Variants in LARS1 observed in about 807,000 individuals in gnomAD.
The protein encoded by LARS1 is leucyl-tRNA synthetase 1, also known as leucine--tRNA ligase, cytoplasmic.
Under a neutral mutation model 162.8 loss-of-function variants are expected in LARS1, and 100 were observed. That is an observed-to-expected ratio of 0.61 (90% CI 0.52 to 0.73). The LOEUF is 0.73. Among genes scored for constraint, LARS1 ranks in the 30% least tolerant of loss-of-function variants. LARS1 has a pLI of 0.00. For synonymous variants in LARS1, 457 were observed against 462.8 expected (o/e 0.99, Z 0.16); for missense variants, 1,258 against 1,408.9 (o/e 0.89, Z 1.71).
Position 146,131,059 on chromosome 5 carries a change from A to T in LARS1, c.2447T>A (p.Met816Lys). ...CCCTGTTTTCAAAGCTTCTTTAAAC[A>T]TCATCTTTTCATAGTTTTGATCTGT... ...IKTDQNYEKM[M>K]FKEALKTGFF... is the part of the protein sequence containing the mutation. The change falls in exon 24 of 32, where the codon ATG becomes AAG. Residue 816 changes from methionine (M) to lysine (K), a missense_variant. Physicochemically the swap from Met to Lys is moderately conservative, Grantham distance 95. Coordinates refer to ENST00000394434, the MANE Select transcript of LARS1 (RefSeq NM_020117.11). 6.3e-7 allele frequency: 1 copy of T among 1,599,722 alleles called. No individual in the cohort carries two copies. The highest frequency in any genetic ancestry group is 8.5e-7 in the Non-Finnish European group (1 of 1,171,056).
intron 30 of LARS1, among the ~76,000 whole-genome samples, chr5:146,121,607 A>C (rs550056081): frequency 1.1e-4 from 16 of 152,226 alleles, no homozygotes; most frequent in Non-Finnish European, 2.2e-4. Context: ...CTGGATAAAG[A>C]AAATGTGGCA....
chr5:146,141,105 A>T (rs1442875583), intron 20 of LARS1, among the ~76,000 whole-genome samples: 4 of 152,182 alleles, frequency 2.6e-5, no homozygotes, highest in African/African-American at 9.7e-5. Flanking sequence ...GTATTCTTTA[A>T]ATTTTCAAAC....
intron 31 of LARS1, among the ~76,000 whole-genome samples, chr5:146,117,899 A>G (rs1038542675): frequency 3.3e-5 from 5 of 152,262 alleles, no homozygotes; most frequent in African/African-American, 1.2e-4. Context: ...AGGAAGTAGA[A>G]CAGTGTGGTG....
chr5:146,147,977 C>T (rs1281395916), intron 15 of LARS1, among the ~76,000 whole-genome samples: 1 of 152,178 alleles, frequency 6.6e-6, no homozygotes, highest in Non-Finnish European at 1.5e-5. Context: ...GAGTTTTCAA[C>T]TTCTTAATAG....
At chr5:146,170,278 C>T (rs557302182) in intron 4 of LARS1, among the ~76,000 whole-genome samples, 38 of 152,142 alleles carry the variant, frequency 2.5e-4, no homozygotes, top group African/African-American at 8.9e-4. Context: ...ACCAGCCTGC[C>T]CAACATGGTG....
At chr5:146,134,857 A>G (rs62373773) in intron 22 of LARS1, among the ~76,000 whole-genome samples, 33,731 of 152,006 alleles carry the variant, frequency 0.22, 4,760 homozygotes, top group Admixed American at 0.33. Context: ...GCTGAGGCAC[A>G]AGAATCGCTT....
At chr5:146,140,146 C>A (rs1752707380) in intron 21 of LARS1, 58 bp downstream of exon 21, 1 of 1,350,760 alleles carries the variant, frequency 7.4e-7, no homozygotes, top group African/African-American at 1.4e-5. Context: ...AGTGCAACAA[C>A]CTAAATCTGA....
At position 146,157,405 on chromosome 5, in the gene LARS1, C is replaced by T; in HGVS notation, c.1063G>A (p.Glu355Lys). Residue 355 changes from glutamate to lysine, a missense_variant and splice_region_variant, in exon 10 of 32, where the codon GAG becomes AAG. Coordinates refer to ENST00000394434, the MANE Select transcript of LARS1 (RefSeq NM_020117.11). ...VVPVVKELMG[E>K]EILGASLSAP... ...AAAAAATCTGCTATCCAACTTACCTCCCCCATTAATTCCTTAACAACAGGC... is the reference window on the plus strand; with the variant it reads ...AAAAAATCTGCTATCCAACTTACCTTCCCCATTAATTCCTTAACAACAGGC... 1.2e-6 allele frequency: 2 copies of T among 1,612,378 alleles called. No individual in the cohort carries two copies. The highest frequency in any genetic ancestry group is 1.7e-6 in the Non-Finnish European group (2 of 1,178,906).
At position 146,123,937 on chromosome 5, in the gene LARS1, G is replaced by C. The variant is rs1003593701; in HGVS notation, c.3096+45C>G. On this transcript the variant is annotated intron_variant, in intron 29 of 31. Transcript: ENST00000394434. Reference sequence around the variant, plus strand: ...TATAAAATAAAAGAGCTGGATTATGGTTTAACTACAGTTAACTGGTTATTA... The same window carrying C: ...TATAAAATAAAAGAGCTGGATTATGCTTTAACTACAGTTAACTGGTTATTA... 4 of 986,746 alleles carry C rather than the reference G, an allele frequency of 4.1e-6. No individual in the cohort carries two copies. The East Asian group carries it at 9.7e-5, about 24-fold the overall frequency. The allele number at this position is 986,746 out of a possible 1,614,324, so 61.1% of individuals were successfully genotyped here.
At chr5:146,172,018 G>A (rs1227787944) in intron 3 of LARS1, 28 bp from the exon 4 acceptor site, 1 of 1,546,916 alleles carries the variant, frequency 6.5e-7, no homozygotes, top group African/African-American at 1.4e-5. Flanking sequence ...AATTTAAATT[G>A]CAAATTTAAA....
chr5:146,168,971 G>A lies in LARS1; in HGVS notation c.295-706C>T, dbSNP rs149486836. The stretch of plus-strand genomic sequence containing the variant: ...AGGAGATATACCTAATGTAAATGAC[G>A]AGTTAATGGGTGCAGCACACCAATA... On this transcript the variant is annotated intron_variant, in intron 4 of 31. Transcript: ENST00000394434. 2.2e-3 allele frequency among the ~76,000 whole-genome samples: 333 copies of A among 152,092 alleles called. 3 individuals carry two copies. Among genetic ancestry groups the A allele is most frequent in the African/African-American group, 7.8e-3 (323 of 41,496 alleles).
chr5:146,169,654 T>G (rs186383800), intron 4 of LARS1, among the ~76,000 whole-genome samples: 1 of 152,040 alleles, frequency 6.6e-6, no homozygotes, highest in Non-Finnish European at 1.5e-5. Context: ...GTTCAAGCGA[T>G]TCTCCTGACA....
Position 146,166,383 on chromosome 5 carries a change from C to T in LARS1, c.432+1745G>A, listed in dbSNP as rs186807487. Among the ~76,000 whole-genome samples, 29 of 152,274 alleles carry T rather than the reference C, an allele frequency of 1.9e-4. No individual in the cohort carries two copies. In the East Asian group the frequency reaches 3.5e-3, roughly 18 times the overall value. ...AAAAGAACAATTTGACAACAAATTA[C>T]GGTGTTGTTAACAACCACACACACA... On this transcript the variant is annotated intron_variant, in intron 5 of 31. Transcript: ENST00000394434.
chr5:146,171,239 C>G (rs1049118466), intron 4 of LARS1, among the ~76,000 whole-genome samples: 1 of 151,906 alleles, frequency 6.6e-6, no homozygotes, highest in Admixed American at 6.6e-5. Context: ...TGCCTGTAAT[C>G]CCAGCTACTC....
chr5:146,129,252 T>TAAC (rs1261804671), intron 25 of LARS1, 134 bp from the exon 26 acceptor site: 1 of 669,750 alleles, frequency 1.5e-6, no homozygotes, highest in Non-Finnish European at 2.4e-6. Flanking sequence ...TGACTACACA[T>TAAC]AACACACTTG....
intron 4 of LARS1, 138 bp downstream of exon 4, chr5:146,171,768 AAATT>A (rs1754291739): frequency 3.5e-6 from 2 of 578,898 alleles, no homozygotes; most frequent in African/African-American, 3.8e-5. Flanking sequence ...GTTTATTTTT[AAATT>A]AATTTTCACT....
chr5:146,160,344 C>T, intron 7 of LARS1, 30 bp downstream of exon 7: 2 of 1,301,744 alleles, frequency 1.5e-6, no homozygotes, highest in South Asian at 1.3e-5. Flanking sequence ...CTGATTTTTG[C>T]TTTATTATGC....
intron 20 of LARS1, 123 bp from the exon 21 acceptor site, chr5:146,140,384 ACACTATAG>A (rs1752720752): frequency 2.8e-6 from 2 of 708,470 alleles, no homozygotes; most frequent in Admixed American, 5.4e-5. Flanking sequence ...GCAAGGATAT[ACACTATAG>A]TCCTTTTTGT....
At chr5:146,140,531 G>A (rs1284196071) in intron 20 of LARS1, among the ~76,000 whole-genome samples, 1 of 152,230 alleles carries the variant, frequency 6.6e-6, no homozygotes, top group East Asian at 1.9e-4. Context: ...GTGAAGGCTG[G>A]GCGCAGTGGC....
Sources: allele counts gnomAD v4.1 joint callset (sites outside exome capture counted in the v4.1 genomes callset), GRCh38; gene constraint gnomAD v4.1.1; transcripts MANE v1.5; gene names NCBI Gene and HGNC (gene_info 2026-07-23, HGNC 2026-07-21).